Variants in TSPAN12 observed in about 807,000 individuals in gnomAD.
TSPAN12 encodes the protein tetraspanin 12.
In TSPAN12, 19 loss-of-function variants were observed where a neutral mutation model predicts 39.2. The observed-to-expected ratio is 0.49, with a 90% CI of 0.34 to 0.71. The LOEUF (loss-of-function observed/expected upper bound fraction) is 0.71. Ranked by LOEUF, TSPAN12 falls within the 30% of genes least tolerant of loss-of-function variation. The pLI, the probability that TSPAN12 is intolerant of heterozygous loss-of-function variation, is 0.01. For synonymous variants in TSPAN12, 119 were observed against 124.8 expected, an observed-to-expected ratio of 0.95 and a Z score of 0.31; for missense variants, 314 against 359.9, an observed-to-expected ratio of 0.87 and a Z score of 1.03.
chr7:120,808,831 G>A (rs1196259831), intron 6 of TSPAN12, among the ~76,000 whole-genome samples: 1 of 151,966 alleles, frequency 6.6e-6, no homozygotes, highest in East Asian at 1.9e-4. Flanking sequence ...AAATGCATAT[G>A]TTGAAATTCT....
Position 120,840,060 on chromosome 7 carries a change from A to G in TSPAN12, c.116T>C (p.Leu39Pro), listed in dbSNP as rs552321289. Residue 39 changes from leucine to proline, a missense_variant, in exon 3 of 8, where the codon CTA becomes CCA. Coordinates refer to ENST00000222747, the MANE Select transcript of TSPAN12 (RefSeq NM_012338.4). ...LAVSAWMRDYLNNVLTLTAET... is the reference protein window; with the variant it reads ...LAVSAWMRDYPNNVLTLTAET... Reference sequence around the variant, plus strand: ...TGCAGTTAAAGTGAGAACATTATTTAGGTAGTCCCTCATCCAAGCAGAAAC... The same window carrying G: ...TGCAGTTAAAGTGAGAACATTATTTGGGTAGTCCCTCATCCAAGCAGAAAC... 2 of 1,613,810 alleles carry G rather than the reference A, an allele frequency of 1.2e-6. No homozygotes were observed. The highest frequency in any genetic ancestry group is 1.3e-5 in the African/African-American group (1 of 75,046).
chr7:120,796,452 A>G (rs1793631462), intron 7 of TSPAN12, among the ~76,000 whole-genome samples: 1 of 152,202 alleles, frequency 6.6e-6, no homozygotes, highest in South Asian at 2.1e-4. Flanking sequence ...ACCTTAAAAA[A>G]TTGTTGTTAT....
intron 6 of TSPAN12, among the ~76,000 whole-genome samples, chr7:120,808,355 T>C (rs548889020): frequency 2.6e-5 from 4 of 152,306 alleles, no homozygotes; most frequent in Admixed American, 6.5e-5. Flanking sequence ...ATAATGAATT[T>C]ATTCTGAAAC....
At chr7:120,838,721 A>C in intron 4 of TSPAN12, 56 bp downstream of exon 4, 4 of 1,560,722 alleles carry the variant, frequency 2.6e-6, no homozygotes, top group Non-Finnish European at 3.5e-6. Context: ...ATTAAAAAAT[A>C]ATATATTACT....
At chr7:120,835,253 G>A (rs1794455387) in intron 4 of TSPAN12, among the ~76,000 whole-genome samples, 1 of 152,120 alleles carries the variant, frequency 6.6e-6, no homozygotes, top group African/African-American at 2.4e-5. Flanking sequence ...CAGTGAGAAT[G>A]GGCTTTGCAA....
intron 2 of TSPAN12, among the ~76,000 whole-genome samples, chr7:120,854,737 G>C (rs946223743): frequency 6.6e-6 from 1 of 152,148 alleles, no homozygotes; most frequent in African/African-American, 2.4e-5. Flanking sequence ...ATAGCATTGT[G>C]TATCTGTTGT....
chr7:120,817,204 T>A (rs763478053), intron 4 of TSPAN12, among the ~76,000 whole-genome samples: 13 of 151,720 alleles, frequency 8.6e-5, no homozygotes, highest in Non-Finnish European at 1.3e-4. Flanking sequence ...TGAGACCCCA[T>A]ATCTACAAAA....
intron 6 of TSPAN12, among the ~76,000 whole-genome samples, chr7:120,809,078 T>C (rs1351672021): frequency 6.6e-6 from 1 of 151,758 alleles, no homozygotes; most frequent in African/African-American, 2.4e-5. Flanking sequence ...ATATAAGGGA[T>C]TTTAAAAACC....
At chr7:120,852,024 C>A (rs1184246172) in intron 2 of TSPAN12, among the ~76,000 whole-genome samples, 1 of 152,012 alleles carries the variant, frequency 6.6e-6, no homozygotes, top group African/African-American at 2.4e-5. Flanking sequence ...TTCTTAGACG[C>A]ATTTATAGCT....
rs754789159 is a variant in TSPAN12, at chr7:120,856,736, G to T, written c.28C>A (p.Leu10Met). 6 of 1,614,216 alleles carry T rather than the reference G, an allele frequency of 3.7e-6. No individual in the cohort carries two copies. The highest frequency in any genetic ancestry group is 5.1e-6 in the Non-Finnish European group (6 of 1,180,038). MAREDSVKC[L>M]RCLLYALNLL... ...TTGAGGGCGTAGAGCAGGCAGCGCA[G>T]ACACTTCACGGAATCTTCTCTGGCC... The change falls in exon 2 of 8, where the codon CTG becomes ATG. Residue 10 changes from leucine to methionine, a missense_variant. By Grantham distance (15) the Leu-to-Met change is conservative. Transcript: ENST00000222747.
At position 120,788,209 on chromosome 7, in the gene TSPAN12, C is replaced by A; in HGVS notation, c.*383G>T. On this transcript the variant is annotated 3_prime_UTR_variant, in exon 8 of 8. Coordinates refer to ENST00000222747, the MANE Select transcript of TSPAN12 (RefSeq NM_012338.4). Reference sequence around the variant, plus strand: ...TTCCTATGTTAGCATTTAATTAGTACTTTATATACTAGTTGGTAGAAGTAA... The same window carrying A: ...TTCCTATGTTAGCATTTAATTAGTAATTTATATACTAGTTGGTAGAAGTAA... 4.3e-6 allele frequency: 1 copy of A among 231,224 alleles called. No individual in the cohort carries two copies. Among genetic ancestry groups the A allele is most frequent in the South Asian group, 6.7e-5 (1 of 14,826 alleles). The allele number at this position is 231,224 out of a possible 1,614,324, so 14.3% of individuals were successfully genotyped here.
intron 2 of TSPAN12, among the ~76,000 whole-genome samples, chr7:120,853,789 G>A (rs778362260): frequency 1.3e-5 from 2 of 150,208 alleles, no homozygotes; most frequent in East Asian, 2.0e-4. Context: ...CAGGAGAATC[G>A]CCTGAACCCG....
chr7:120,808,093 T>C (rs1793910043), intron 6 of TSPAN12, among the ~76,000 whole-genome samples: 1 of 152,102 alleles, frequency 6.6e-6, no homozygotes, highest in Non-Finnish European at 1.5e-5. Context: ...AGAAAATCCA[T>C]TTGTCTCCTT....
chr7:120,792,094 G>A (rs1195995900), intron 7 of TSPAN12, among the ~76,000 whole-genome samples: 3 of 152,194 alleles, frequency 2.0e-5, no homozygotes, highest in Non-Finnish European at 1.5e-5. Context: ...GGAACAGCAA[G>A]TGCTATGGAA....
chr7:120,804,096 T>C (rs867207269), intron 7 of TSPAN12, among the ~76,000 whole-genome samples: 8 of 152,242 alleles, frequency 5.3e-5, no homozygotes, highest in African/African-American at 1.9e-4. Flanking sequence ...ACCATAATGT[T>C]GTGGCCCAAT....
At chr7:120,800,479 C>T (rs1441005856) in intron 7 of TSPAN12, among the ~76,000 whole-genome samples, 5 of 152,154 alleles carry the variant, frequency 3.3e-5, no homozygotes, top group East Asian at 1.9e-4. Flanking sequence ...ATCCACCCAT[C>T]GTCCAGCTGA....
At chr7:120,828,249 A>C (rs1027770904) in intron 4 of TSPAN12, among the ~76,000 whole-genome samples, 5 of 152,192 alleles carry the variant, frequency 3.3e-5, no homozygotes, top group African/African-American at 1.2e-4. Context: ...GAATGAGCAG[A>C]AGGTCCAGGA....
intron 4 of TSPAN12, among the ~76,000 whole-genome samples, chr7:120,837,316 T>TA (rs1491437378): frequency 1.5e-5 from 1 of 67,758 alleles, no homozygotes; most frequent in Non-Finnish European, 2.7e-5. Context: ...CATTTATTTA[T>TA]TTTTTTTTTT....
At position 120,848,169 on chromosome 7, in the gene TSPAN12, T is replaced by A. The variant is rs184912986; in HGVS notation, c.67-8060A>T. 3.7e-4 allele frequency among the ~76,000 whole-genome samples: 57 copies of A among 152,316 alleles called. 1 individual carries two copies. In the East Asian group the frequency reaches 0.01, roughly 28 times the overall value. ...CATCTACTTTTCCTTCAAGCCCAGC[T>A]TGAACATCAAGTCCAGTGTAAAGAT... is the stretch of plus-strand genomic sequence containing the variant. On this transcript the variant is annotated intron_variant, in intron 2 of 7. Coordinates refer to ENST00000222747, the MANE Select transcript of TSPAN12 (RefSeq NM_012338.4).
Sources: gnomAD v4.1 joint callset for allele counts (sites outside exome capture counted in the v4.1 genomes callset) on GRCh38, gnomAD v4.1.1 for gene constraint, MANE v1.5 for transcripts, NCBI Gene and HGNC (gene_info 2026-07-23, HGNC 2026-07-21) for gene names.